The following DDR2 variants were observed in gnomAD, a reference collection of about 807,000 sequenced individuals.
The protein encoded by DDR2 is discoidin domain-containing receptor 2.
A neutral mutation model predicts 94.9 loss-of-function variants in DDR2; 27 were observed. That is an observed-to-expected ratio of 0.28 (90% CI 0.21 to 0.39). DDR2 has a LOEUF of 0.39. Among genes scored for constraint, DDR2 ranks in the 10% least tolerant of loss-of-function variants. The pLI is 1.00. For synonymous variants in DDR2, 382 were observed against 377.2 expected (o/e 1.01, Z -0.15); for missense variants, 783 against 1,076.0 (o/e 0.73, Z 3.81).
chr1:162,786,624 T>C lies in DDR2; in HGVS notation c.*6378T>C, dbSNP rs1648162435. The C allele has an allele frequency of 6.6e-6, 1 of 152,248 alleles. No individual in the cohort carries two copies. Among genetic ancestry groups the C allele is most frequent in the South Asian group, 2.1e-4 (1 of 4,834 alleles). 9.4% of individuals were successfully genotyped at this position (152,248 alleles called of 1,614,324 possible). The stretch of plus-strand genomic sequence containing the variant: ...TGCCAGTTCTGGGCTTTGTAACCTT[T>C]GCTCTTTATAGTCTTTCATTCCTGG... On this transcript the variant is annotated 3_prime_UTR_variant, in exon 18 of 18. Transcript: ENST00000367921.
intron 2 of DDR2, among the ~76,000 whole-genome samples, chr1:162,702,173 C>T (rs539353593): frequency 2.9e-4 from 44 of 152,250 alleles, no homozygotes; most frequent in Non-Finnish European, 5.4e-4. Context: ...TTCCTCCTCA[C>T]GTGGCGTTGT....
intron 2 of DDR2, among the ~76,000 whole-genome samples, chr1:162,676,419 GC>G (rs1659129388): frequency 6.6e-6 from 1 of 152,106 alleles, no homozygotes; most frequent in Non-Finnish European, 1.5e-5. Flanking sequence ...TTTACCCCCT[GC>G]TAGGCTGTGA....
chr1:162,754,947 T>A, intron 5 of DDR2, 92 bp downstream of exon 5: 1 of 1,485,748 alleles, frequency 6.7e-7, no homozygotes, highest in South Asian at 1.2e-5. Flanking sequence ...TGTGTGGATA[T>A]GTGTGTCCAC....
chr1:162,725,151 A>G (rs1001498802), intron 3 of DDR2, among the ~76,000 whole-genome samples: 1 of 152,138 alleles, frequency 6.6e-6, no homozygotes, highest in African/African-American at 2.4e-5. Flanking sequence ...CAATAATCTT[A>G]TTAGTATTAG....
chr1:162,714,839 G>A (rs979247814), intron 2 of DDR2, among the ~76,000 whole-genome samples: 1 of 152,166 alleles, frequency 6.6e-6, no homozygotes, highest in Admixed American at 6.5e-5. Context: ...AATAGTTGCT[G>A]AATGAATGAA....
At chr1:162,656,360 G>T (rs1339827254) in intron 2 of DDR2, among the ~76,000 whole-genome samples, 1 of 152,098 alleles carries the variant, frequency 6.6e-6, no homozygotes, top group African/African-American at 2.4e-5. Context: ...ATAAGGGTGG[G>T]GCTAAAGTGG....
intron 3 of DDR2, among the ~76,000 whole-genome samples, chr1:162,729,560 A>G (rs944262998): frequency 1.6e-4 from 23 of 147,572 alleles, no homozygotes; most frequent in Non-Finnish European, 3.0e-4. Flanking sequence ...AGAGGTTTTT[A>G]TGACTTTGGT....
chr1:162,752,745 A>T (rs1446708547), intron 3 of DDR2, among the ~76,000 whole-genome samples: 1 of 152,230 alleles, frequency 6.6e-6, no homozygotes, highest in Non-Finnish European at 1.5e-5. Flanking sequence ...CAGGAAATTG[A>T]TTAGAAGTAA....
chr1:162,675,924 A>G (rs1469643216), intron 2 of DDR2, among the ~76,000 whole-genome samples: 1 of 152,166 alleles, frequency 6.6e-6, no homozygotes, highest in Non-Finnish European at 1.5e-5. Flanking sequence ...TTCAGAGAGA[A>G]GTCCTCGGCC....
At chr1:162,772,519 C>A in intron 13 of DDR2, 2 of 457,556 alleles carry the variant, frequency 4.4e-6, no homozygotes, top group Admixed American at 3.4e-5. Context: ...TCAATATTTT[C>A]AAAAATGTTT....
At chr1:162,653,166 A>T (rs891818657) in intron 1 of DDR2, among the ~76,000 whole-genome samples, 1 of 152,206 alleles carries the variant, frequency 6.6e-6, no homozygotes, top group Non-Finnish European at 1.5e-5. Context: ...CTTCAGTGTG[A>T]TCAAAGCAAA....
At chr1:162,676,645 C>T (rs535441323) in intron 2 of DDR2, among the ~76,000 whole-genome samples, 3 of 152,220 alleles carry the variant, frequency 2.0e-5, no homozygotes, top group Non-Finnish European at 4.4e-5. Flanking sequence ...GTTACCATTT[C>T]TTGAGAACCT....
At chr1:162,637,849 G>C (rs768535422) in intron 1 of DDR2, among the ~76,000 whole-genome samples, 4 of 152,050 alleles carry the variant, frequency 2.6e-5, no homozygotes, top group Non-Finnish European at 5.9e-5. Flanking sequence ...TTGTCCTTAG[G>C]AACTTAGGAA....
intron 14 of DDR2, among the ~76,000 whole-genome samples, chr1:162,774,596 C>T (rs1343756987): frequency 3.3e-5 from 5 of 152,022 alleles, no homozygotes; most frequent in South Asian, 2.1e-4. Flanking sequence ...TATAGAGAGA[C>T]GAAGTATTTC....
chr1:162,699,634 G>A (rs1660341298), intron 2 of DDR2, among the ~76,000 whole-genome samples: 1 of 152,122 alleles, frequency 6.6e-6, no homozygotes, highest in African/African-American at 2.4e-5. Context: ...CTTCTTGTTT[G>A]TTGTCTTCAA....
At position 162,754,001 on chromosome 1, in the gene DDR2, G is replaced by A. The variant is rs192569880; in HGVS notation, c.186-623G>A. On this transcript the variant is annotated intron_variant, in intron 4 of 17. Transcript: ENST00000367921. ...AGAAAAGGGAGCAATCCAAGGGAGA[G>A]GAAAAGTGGTAGGGAGTTCTCAAAG... Among the ~76,000 whole-genome samples, 126 of 152,262 alleles carry A rather than the reference G, an allele frequency of 8.3e-4. 1 individual carries two copies. Among genetic ancestry groups the A allele is most frequent in the African/African-American group, 2.9e-3 (121 of 41,546 alleles).
chr1:162,750,545 A>G (rs1663135284), intron 3 of DDR2, among the ~76,000 whole-genome samples: 1 of 152,238 alleles, frequency 6.6e-6, no homozygotes, highest in South Asian at 2.1e-4. Context: ...GGAAGAATCA[A>G]TATCGTGGAA....
At chr1:162,697,638 G>A (rs1003972718) in intron 2 of DDR2, among the ~76,000 whole-genome samples, 4 of 152,136 alleles carry the variant, frequency 2.6e-5, no homozygotes, top group African/African-American at 9.7e-5. Context: ...CATTTACTAC[G>A]AAATGAGACC....
At chr1:162,749,079 C>T (rs1663041664) in intron 3 of DDR2, among the ~76,000 whole-genome samples, 1 of 152,148 alleles carries the variant, frequency 6.6e-6, no homozygotes, top group Non-Finnish European at 1.5e-5. Flanking sequence ...GACACTCTAA[C>T]ATCACAATTA....
Sources: allele counts gnomAD v4.1 joint callset (sites outside exome capture counted in the v4.1 genomes callset), GRCh38; gene constraint gnomAD v4.1.1; transcripts MANE v1.5; gene names NCBI Gene and HGNC (gene_info 2026-07-23, HGNC 2026-07-21).